The following SORCS3 variants were observed in gnomAD, a reference collection of about 807,000 sequenced individuals.
SORCS3 encodes sortilin related VPS10 domain containing receptor 3.
Under a neutral mutation model 146.3 loss-of-function variants are expected in SORCS3, and 57 were observed. That is an observed-to-expected ratio of 0.39 (90% confidence interval 0.31 to 0.49). The LOEUF is 0.49. Among genes scored for constraint, SORCS3 ranks in the 20% least tolerant of loss-of-function variants. SORCS3 has a pLI of 0.92. For missense variants in SORCS3, 1,341 were observed against 1,575.5 expected, an observed-to-expected ratio of 0.85 and a Z score of 2.52; for synonymous variants, 653 against 618.5, an observed-to-expected ratio of 1.06 and a Z score of -0.83.
intron 1 of SORCS3, among the ~76,000 whole-genome samples, chr10:104,838,020 G>A (rs1458328687): frequency 6.6e-6 from 1 of 152,152 alleles, no homozygotes. Context: ...TCTGTAAAAT[G>A]GGCGATATTA....
intron 6 of SORCS3, among the ~76,000 whole-genome samples, chr10:105,093,760 A>G (rs1193886546): frequency 6.6e-6 from 1 of 152,178 alleles, no homozygotes; most frequent in Non-Finnish European, 1.5e-5. Flanking sequence ...GAAGTAAAGC[A>G]ATAGAACTCT....
At chr10:104,738,812 A>G (rs1040444951) in intron 1 of SORCS3, among the ~76,000 whole-genome samples, 1 of 152,204 alleles carries the variant, frequency 6.6e-6, no homozygotes, top group East Asian at 1.9e-4. Flanking sequence ...AGGGCTTCCC[A>G]GTACTCAAGG....
At chr10:104,704,016 C>G (rs2016309525) in intron 1 of SORCS3, among the ~76,000 whole-genome samples, 1 of 152,058 alleles carries the variant, frequency 6.6e-6, no homozygotes, top group Admixed American at 6.6e-5. Context: ...CTTCAGTGGC[C>G]TTTGGGTGGT....
chr10:104,808,800 T>C (rs2017709507), intron 1 of SORCS3, among the ~76,000 whole-genome samples: 1 of 152,226 alleles, frequency 6.6e-6, no homozygotes, highest in African/African-American at 2.4e-5. Flanking sequence ...ATACTAGAAT[T>C]ATCCCATTTT....
chr10:105,096,248 G>A (rs2055746165), intron 6 of SORCS3, among the ~76,000 whole-genome samples: 1 of 152,066 alleles, frequency 6.6e-6, no homozygotes, highest in Non-Finnish European at 1.5e-5. Flanking sequence ...AAGTTGTCCT[G>A]CTGATTTTAG....
chr10:105,093,726 A>C (rs1160877471), intron 6 of SORCS3, among the ~76,000 whole-genome samples: 3 of 152,210 alleles, frequency 2.0e-5, no homozygotes, highest in Non-Finnish European at 4.4e-5. Flanking sequence ...ATAAACAAAA[A>C]TGACAATATC....
chr10:105,102,387 A>G (rs1217607264), intron 6 of SORCS3, among the ~76,000 whole-genome samples: 2 of 152,212 alleles, frequency 1.3e-5, no homozygotes, highest in Non-Finnish European at 2.9e-5. Context: ...AGCAACATGG[A>G]TGGAGCTGGA....
rs1278860899 is a variant in SORCS3, at chr10:104,910,614, A to G, written c.696-5219A>G. The stretch of plus-strand genomic sequence containing the variant: ...TATGTGAGAACACTTATGTACATGT[A>G]GAAACACTCAAAAAGGTTATGTGTT... On this transcript the variant is annotated intron_variant, in intron 2 of 26. Transcript: ENST00000369701. Among the ~76,000 whole-genome samples, 4 of 152,270 alleles carry G rather than the reference A, an allele frequency of 2.6e-5. No individual in the cohort carries two copies. The South Asian group carries it at 6.2e-4, about 24-fold the overall frequency.
intron 1 of SORCS3, among the ~76,000 whole-genome samples, chr10:104,657,023 C>T (rs2015640602): frequency 1.3e-5 from 2 of 152,170 alleles, no homozygotes; most frequent in Non-Finnish European, 2.9e-5. Context: ...TTGGTTTGGC[C>T]TTGTGACTTG....
intron 3 of SORCS3, among the ~76,000 whole-genome samples, chr10:104,944,818 C>T (rs1305364791): frequency 6.6e-6 from 1 of 152,080 alleles, no homozygotes; most frequent in Admixed American, 6.5e-5. Flanking sequence ...ATATACACAC[C>T]CTGTGACCCA....
intron 5 of SORCS3, among the ~76,000 whole-genome samples, chr10:105,073,610 C>T (rs2055571341): frequency 6.6e-6 from 1 of 152,006 alleles, no homozygotes; most frequent in South Asian, 2.1e-4. Flanking sequence ...AAGGGCAGTC[C>T]TAAGTGGGGA....
At chr10:104,743,941 G>A (rs965269597) in intron 1 of SORCS3, among the ~76,000 whole-genome samples, 4 of 152,126 alleles carry the variant, frequency 2.6e-5, no homozygotes, top group African/African-American at 7.2e-5. Flanking sequence ...CATTAATAAC[G>A]ATTATGATCA....
intron 7 of SORCS3, among the ~76,000 whole-genome samples, chr10:105,130,534 G>C (rs1303532201): frequency 6.6e-6 from 1 of 152,086 alleles, no homozygotes. Flanking sequence ...TTATTGACCA[G>C]TGAGTGTGCT....
chr10:105,166,087 A>C (rs2056310215), intron 12 of SORCS3, among the ~76,000 whole-genome samples: 1 of 152,162 alleles, frequency 6.6e-6, no homozygotes, highest in African/African-American at 2.4e-5. Context: ...AATCACCCTT[A>C]GGTCCTTTGT....
chr10:104,751,949 AT>A lies in SORCS3; in HGVS notation c.628-90842del, dbSNP rs1564675421. Among the ~76,000 whole-genome samples, 182 of 116,476 alleles carry A rather than the reference AT, an allele frequency of 1.6e-3. 7 individuals are homozygous for A. Among genetic ancestry groups the A allele is most frequent in the African/African-American group, 6.7e-3 (176 of 26,248 alleles). The allele number at this position is 116,476 out of a possible 152,430, so 76.4% of individuals were successfully genotyped here. A position where few individuals can be genotyped will look rare whatever the true frequency, so the allele number is the denominator to read the frequency against. On this transcript the variant is annotated intron_variant, in intron 1 of 26. Transcript: ENST00000369701. ...CATATATATATATATATATATATAT[AT>A]ATATATATATATATATATAATAGTT...
At chr10:105,226,396 G>A (rs1410675347) in intron 20 of SORCS3, among the ~76,000 whole-genome samples, 2 of 151,892 alleles carry the variant, frequency 1.3e-5, no homozygotes, top group African/African-American at 4.8e-5. Flanking sequence ...TGCATCCCTG[G>A]GATAAATTCA....
chr10:104,981,281 A>G (rs2054930196), intron 4 of SORCS3, among the ~76,000 whole-genome samples: 2 of 152,188 alleles, frequency 1.3e-5, no homozygotes, highest in South Asian at 4.1e-4. Context: ...CTCAGTAAAG[A>G]CAAGAGATTC....
At chr10:104,864,431 G>A (rs1403908306) in intron 2 of SORCS3, among the ~76,000 whole-genome samples, 1 of 152,118 alleles carries the variant, frequency 6.6e-6, no homozygotes, top group African/African-American at 2.4e-5. Context: ...CTTTTTATGT[G>A]CACTGGCACC....
intron 12 of SORCS3, among the ~76,000 whole-genome samples, chr10:105,166,630 A>C (rs2056315699): frequency 6.6e-6 from 1 of 152,140 alleles, no homozygotes; most frequent in African/African-American, 2.4e-5. Flanking sequence ...GATAAGTAAC[A>C]GACAAATAGA....
Sources: allele counts gnomAD v4.1 joint callset (sites outside exome capture counted in the v4.1 genomes callset), GRCh38; gene constraint gnomAD v4.1.1; transcripts MANE v1.5; gene names NCBI Gene and HGNC (gene_info 2026-07-23, HGNC 2026-07-21).